The following SDHA variants were observed in gnomAD, a reference collection of about 807,000 sequenced individuals.
The protein encoded by SDHA is succinate dehydrogenase complex flavoprotein subunit A, also known as succinate dehydrogenase [ubiquinone] flavoprotein subunit, mitochondrial.
A neutral mutation model predicts 78.4 loss-of-function variants in SDHA; 48 were observed. The ratio of observed to expected loss-of-function variants is 0.61; its 90% CI spans 0.49 to 0.78. SDHA has a LOEUF of 0.78. Among genes scored for constraint, SDHA ranks in the 30% least tolerant of loss-of-function variants. The pLI is 0.00. For missense variants in SDHA, 680 were observed against 892.7 expected (o/e 0.76, Z 3.04); for synonymous variants, 326 against 353.9 (o/e 0.92, Z 0.88).
At chr5:245,362 G>C (rs1446131501) in intron 11 of SDHA, among the ~76,000 whole-genome samples, 1 of 152,156 alleles carries the variant, frequency 6.6e-6, no homozygotes, top group African/African-American at 2.4e-5. Flanking sequence ...CCCCTTAGCT[G>C]AGCAAGACTG....
Position 254,522 on chromosome 5 carries a change from G to C in SDHA, c.1908+16G>C, listed in dbSNP as rs1190038643. On this transcript the variant is annotated intron_variant, in intron 14 of 14. Coordinates refer to ENST00000264932, the MANE Select transcript of SDHA (RefSeq NM_004168.4). ...CACTGGGAAGGTCAGTGTGGAGCTC[G>C]TTCTCACCACAGCCCAGCACCCACA... 1.9e-5 allele frequency: 29 copies of C among 1,539,932 alleles called. No individual in the cohort carries two copies. The highest frequency in any genetic ancestry group is 4.8e-5 in the South Asian group (4 of 84,028).
rs1169341508 is a variant in SDHA, at chr5:224,456, G to T, written c.247G>T (p.Ala83Ser). 1 of 1,613,508 alleles carries T rather than the reference G, an allele frequency of 6.2e-7. No individual in the cohort carries two copies. The change falls in exon 3 of 15, where the codon GCA becomes TCA. Residue 83 changes from alanine to serine, a missense_variant. By Grantham distance (99) the Ala-to-Ser change is moderately conservative. Coordinates refer to ENST00000264932, the MANE Select transcript of SDHA (RefSeq NM_004168.4). ...GCGAGCTGCATTTGGCCTTTCTGAG[G>T]CAGGGTTTAATACAGCATGTGTTAC... ...GLRAAFGLSE[A>S]GFNTACVTKL...
At chr5:224,610 C>A in intron 3 of SDHA, 89 bp downstream of exon 3, 5 of 1,401,068 alleles carry the variant, frequency 3.6e-6, no homozygotes, top group Non-Finnish European at 4.0e-6. Flanking sequence ...CTGCCTCCTC[C>A]CCCTGCTCCA....
In SDHA at chr5:228,207, A is replaced by G. The variant is rs781660628; in HGVS notation, c.644A>G (p.Tyr215Cys). Reference sequence around the variant, plus strand: ...TAGTCTCTGCGATATGATACCAGCTATTTTGTGGAGTATTTTGCCTTGGAT... The same window carrying G: ...TAGTCTCTGCGATATGATACCAGCTGTTTTGTGGAGTATTTTGCCTTGGAT... ...YGRSLRYDTS[Y>C]FVEYFALDLL... is the part of the protein sequence containing the mutation. The change falls in exon 6 of 15, where the codon TAT (tyrosine) becomes TGT (cysteine). Residue 215 changes from tyrosine (Y) to cysteine (C), a missense_variant. Tyr to Cys is a radical substitution (Grantham distance 194). Coordinates refer to ENST00000264932, the MANE Select transcript of SDHA (RefSeq NM_004168.4). 18 of 1,613,160 alleles carry G rather than the reference A, an allele frequency of 1.1e-5. No individual in the cohort carries two copies. The highest frequency in any genetic ancestry group is 1.4e-5 in the Non-Finnish European group (17 of 1,179,664).
chr5:230,600 T>C (rs1270863001), intron 6 of SDHA, among the ~76,000 whole-genome samples: 5 of 152,170 alleles, frequency 3.3e-5, no homozygotes, highest in Admixed American at 6.5e-5. Flanking sequence ...TACTCCAGCC[T>C]GGTCAACAGA....
chr5:258,731 G>A (rs1248179602), downstream of SDHA, among the ~76,000 whole-genome samples: 2 of 93,132 alleles, frequency 2.1e-5, no homozygotes, highest in African/African-American at 7.2e-5. Context: ...TGTGAGCTCC[G>A]CCTCCCGTCC....
the SDHA span, among the ~76,000 whole-genome samples, chr5:263,877 A>G: frequency 6.6e-6 from 1 of 152,366 alleles, no homozygotes; most frequent in Non-Finnish European, 1.5e-5. Context: ...CTCTGGCAAA[A>G]AAATGAAAGG....
the SDHA span, among the ~76,000 whole-genome samples, chr5:266,981 T>C: frequency 6.9e-6 from 1 of 145,158 alleles, no homozygotes. Flanking sequence ...AAGTAGCCTC[T>C]GCACTGGACA....
chr5:266,952 G>A, the SDHA span, among the ~76,000 whole-genome samples: 1 of 146,134 alleles, frequency 6.8e-6, no homozygotes, highest in Non-Finnish European at 1.5e-5. Flanking sequence ...GCACCATCCT[G>A]AGCAGTAGCC....
At chr5:250,683 G>A (rs1736760171) in intron 11 of SDHA, 1 of 382,814 alleles carries the variant, frequency 2.6e-6, no homozygotes, top group African/African-American at 2.1e-5. Context: ...TGGCCGTGGA[G>A]CTGTATGGAA....
At chr5:257,128 G>T (rs1442073415), downstream of SDHA, among the ~76,000 whole-genome samples, 1 of 152,164 alleles carries the variant, frequency 6.6e-6, no homozygotes, top group African/African-American at 2.4e-5. Context: ...ATTAATGTTG[G>T]TGCCTGAGAA....
Position 224,254 on chromosome 5 carries a change from C to T in SDHA, c.151-106C>T, listed in dbSNP as rs536286036. 51 of 1,226,506 alleles carry T rather than the reference C, an allele frequency of 4.2e-5. No individual in the cohort carries two copies. The African/African-American group carries it at 7.2e-4, about 17-fold the overall frequency. The allele number at this position is 1,226,506 out of a possible 1,614,324, so 76.0% of individuals were successfully genotyped here. On this transcript the variant is annotated intron_variant, in intron 2 of 14. Coordinates refer to ENST00000264932, the MANE Select transcript of SDHA (RefSeq NM_004168.4). Reference sequence around the variant, plus strand: ...AGGACAGGATGGAGGCCCTGTGTGCCCAGCAGTTGCTCCTTTTATCTTTGT... The same window carrying T: ...AGGACAGGATGGAGGCCCTGTGTGCTCAGCAGTTGCTCCTTTTATCTTTGT...
the SDHA span, among the ~76,000 whole-genome samples, chr5:268,076 G>A: frequency 6.6e-6 from 1 of 152,230 alleles, no homozygotes; most frequent in East Asian, 1.9e-4. Context: ...GGTTGTAGAA[G>A]CAGCAGGGAC....
Position 228,323 on chromosome 5 carries a change from GT to G in SDHA, c.762del (p.Ala255ProfsTer25), listed in dbSNP as rs1735179541. 6.2e-7 allele frequency: 1 copy of G among 1,613,734 alleles called. No individual in the cohort carries two copies. ...TCGCATAAGAGCAAAGAACACTGTTGTTGCCACAGGGTAGGAATCTCATTTC... is the reference window on the plus strand; with the variant it reads ...TCGCATAAGAGCAAAGAACACTGTTGTGCCACAGGGTAGGAATCTCATTTC... ...IHRIRAKNTV[V>X]ATGGYGRTYF... On this transcript the variant is annotated frameshift_variant, in exon 6 of 15. Transcript: ENST00000264932. LOFTEE classifies it high-confidence loss of function.
chr5:233,475 A>C lies in SDHA; in HGVS notation c.896-2A>C. 6.2e-7 allele frequency: 1 copy of C among 1,614,052 alleles called. No homozygotes were observed. Among genetic ancestry groups the C allele is most frequent in the African/African-American group, 1.3e-5 (1 of 75,058 alleles). ...GTAATAAATATGTGTGGTTTTTTGC[A>C]GGCATATATGGTGCTGGTTGTCTCA... is the stretch of plus-strand genomic sequence containing the variant. On this transcript the variant is annotated splice_acceptor_variant, in intron 7 of 14. Transcript: ENST00000264932. LOFTEE classifies it high-confidence loss of function.
intron 1 of SDHA, among the ~76,000 whole-genome samples, chr5:221,612 C>T (rs1734721816): frequency 6.7e-6 from 1 of 150,342 alleles, no homozygotes. Context: ...TCTAAGTATT[C>T]CTTTTAGTTA....
At chr5:246,481 A>G (rs1378054634) in intron 11 of SDHA, among the ~76,000 whole-genome samples, 1 of 152,198 alleles carries the variant, frequency 6.6e-6, no homozygotes, top group East Asian at 1.9e-4. Flanking sequence ...GCTCAAATCA[A>G]TAGAATAGAT....
chr5:267,723 A>G, the SDHA span, among the ~76,000 whole-genome samples: 1 of 152,204 alleles, frequency 6.6e-6, no homozygotes, highest in Non-Finnish European at 1.5e-5. Flanking sequence ...TGCAGGGAGG[A>G]AAGTGTTATC....
intron 11 of SDHA, among the ~76,000 whole-genome samples, chr5:243,172 G>C (rs1046324515): frequency 6.6e-6 from 1 of 152,162 alleles, no homozygotes; most frequent in African/African-American, 2.4e-5. Context: ...AATACACCCT[G>C]CAGATCAACA....
Sources: allele counts gnomAD v4.1 joint callset (sites outside exome capture counted in the v4.1 genomes callset), GRCh38; gene constraint gnomAD v4.1.1; transcripts MANE v1.5; gene names NCBI Gene and HGNC (gene_info 2026-07-23, HGNC 2026-07-21).